The following PSD3 variants were observed in gnomAD, a reference collection of about 807,000 sequenced individuals.
PSD3 encodes the protein pleckstrin and Sec7 domain containing 3.
In PSD3, 49 loss-of-function variants were observed where a neutral mutation model predicts 105.5. The observed-to-expected ratio is 0.46, with a 90% confidence interval of 0.37 to 0.59. The LOEUF (loss-of-function observed/expected upper bound fraction) is 0.59. Ranked by LOEUF, PSD3 falls within the 20% of genes least tolerant of loss-of-function variation. PSD3 has a pLI of 0.00. For missense variants in PSD3, 1,561 were observed against 1,263.8 expected, an observed-to-expected ratio of 1.24 and a Z score of -3.57; for synonymous variants, 557 against 457.8, an observed-to-expected ratio of 1.22 and a Z score of -2.77.
At chr8:18,581,055 G>C (rs975566642) in intron 12 of PSD3, among the ~76,000 whole-genome samples, 1 of 152,188 alleles carries the variant, frequency 6.6e-6, no homozygotes, top group African/African-American at 2.4e-5. Context: ...GACAGAAACT[G>C]AGAGAGAAAC....
chr8:18,892,998 C>T (rs1249853107), intron 2 of PSD3, among the ~76,000 whole-genome samples: 1 of 152,096 alleles, frequency 6.6e-6, no homozygotes, highest in Non-Finnish European at 1.5e-5. Context: ...GCAACTGATG[C>T]AAATGAAATA....
In PSD3 at chr8:18,619,669, G is replaced by A. The variant is rs116578651; in HGVS notation, c.2410+12944C>T. On this transcript the variant is annotated intron_variant, in intron 11 of 15. Coordinates refer to ENST00000327040, the MANE Select transcript of PSD3 (RefSeq NM_015310.4). ...AAAAAAAAAAAAAAGACCTAAGGCCGTGTGGCCATGTGAGGCAAAGGTGAA... is the reference window on the plus strand; with the variant it reads ...AAAAAAAAAAAAAAGACCTAAGGCCATGTGGCCATGTGAGGCAAAGGTGAA... Among the ~76,000 whole-genome samples, 1,091 of 151,428 alleles carry A rather than the reference G, an allele frequency of 7.2e-3. 16 individuals carry two copies. Among genetic ancestry groups the A allele is most frequent in the African/African-American group, 0.025 (1,046 of 41,312 alleles).
chr8:18,787,000 G>A (rs1028490491), intron 8 of PSD3, among the ~76,000 whole-genome samples: 9 of 152,140 alleles, frequency 5.9e-5, no homozygotes, highest in Admixed American at 1.3e-4. Flanking sequence ...TACTCCTCAC[G>A]ATGTCTGGAT....
intron 11 of PSD3, among the ~76,000 whole-genome samples, chr8:18,602,462 C>G (rs1804505323): frequency 6.6e-6 from 1 of 151,958 alleles, no homozygotes; most frequent in Non-Finnish European, 1.5e-5. Flanking sequence ...AAAACTTAAC[C>G]TTATCTTTGG....
chr8:18,922,867 G>C (rs1821120885), intron 2 of PSD3, among the ~76,000 whole-genome samples: 1 of 152,172 alleles, frequency 6.6e-6, no homozygotes, highest in Non-Finnish European at 1.5e-5. Context: ...AGGCATGTGG[G>C]AGGGGGCAGA....
At chr8:18,568,447 A>AG (rs1296475311) in intron 14 of PSD3, among the ~76,000 whole-genome samples, 1 of 151,938 alleles carries the variant, frequency 6.6e-6, no homozygotes, top group Admixed American at 6.6e-5. Context: ...CTAAGAAGCA[A>AG]GGGGGGAAAT....
chr8:18,806,087 A>T (rs1241914944), intron 4 of PSD3, among the ~76,000 whole-genome samples: 1 of 152,152 alleles, frequency 6.6e-6, no homozygotes, highest in Non-Finnish European at 1.5e-5. Context: ...AAAAGACATG[A>T]TCTCAAGCGC....
chr8:19,062,429 T>G (rs1418568762), intron 1 of PSD3, among the ~76,000 whole-genome samples: 1 of 152,150 alleles, frequency 6.6e-6, no homozygotes, highest in Admixed American at 6.6e-5. Flanking sequence ...AAACTGAAAC[T>G]CAGAAGAGTA....
intron 1 of PSD3, among the ~76,000 whole-genome samples, chr8:18,957,833 C>T (rs1304296156): frequency 2.0e-5 from 3 of 152,170 alleles, no homozygotes; most frequent in East Asian, 1.9e-4. Context: ...AAGTGTGGTG[C>T]AGCTAGCATG....
intron 8 of PSD3, among the ~76,000 whole-genome samples, chr8:18,785,764 T>C (rs79672852): frequency 0.033 from 4,991 of 152,226 alleles, 274 homozygotes; most frequent in African/African-American, 0.11. Context: ...CTTGAACACT[T>C]AGAGGCCATT....
At chr8:18,649,837 TC>T (rs1337653800) in intron 10 of PSD3, among the ~76,000 whole-genome samples, 1 of 152,158 alleles carries the variant, frequency 6.6e-6, no homozygotes, top group East Asian at 1.9e-4. Flanking sequence ...GTGTGGCACT[TC>T]CACCCCACCC....
chr8:18,610,895 C>G (rs1156817044), intron 11 of PSD3, among the ~76,000 whole-genome samples: 1 of 152,140 alleles, frequency 6.6e-6, no homozygotes, highest in African/African-American at 2.4e-5. Context: ...CCCACTATTT[C>G]TCCGCTTTTG....
intron 14 of PSD3, among the ~76,000 whole-genome samples, chr8:18,565,582 T>A (rs34429188): frequency 0.38 from 57,093 of 151,766 alleles, 10,690 homozygotes; most frequent in East Asian, 0.51. Flanking sequence ...CAAACAATCT[T>A]TTAATTGAAC....
intron 4 of PSD3, chr8:18,849,349 T>G (rs986322066): frequency 1.3e-5 from 2 of 152,190 alleles, no homozygotes; most frequent in African/African-American, 4.8e-5. Context: ...ACCCTCTAGA[T>G]TATTACAGTA....
chr8:18,559,293 G>A (rs1330798185), intron 14 of PSD3, among the ~76,000 whole-genome samples: 1 of 152,116 alleles, frequency 6.6e-6, no homozygotes, highest in Admixed American at 6.5e-5. Context: ...TATTATACTT[G>A]TAAATTGTTG....
intron 8 of PSD3, among the ~76,000 whole-genome samples, chr8:18,767,868 G>C (rs1807153842): frequency 6.6e-6 from 1 of 152,014 alleles, no homozygotes; most frequent in Admixed American, 6.6e-5. Context: ...TTTCGTAAAA[G>C]GCTAACAGAA....
At position 18,581,376 on chromosome 8, in the gene PSD3, C is replaced by T. The variant is rs182001713; in HGVS notation, c.2482-6091G>A. 9.9e-5 allele frequency among the ~76,000 whole-genome samples: 15 copies of T among 152,128 alleles called. No homozygotes were observed. The East Asian group carries it at 2.9e-3, about 29-fold the overall frequency. On this transcript the variant is annotated intron_variant, in intron 12 of 15. Transcript: ENST00000327040. ...CACACATTTTTTAGGTACTCTTGGG[C>T]TCAGGGGCACTGCAAGTACTAGAAA...
At chr8:18,580,872 T>C (rs1802770297) in intron 12 of PSD3, among the ~76,000 whole-genome samples, 1 of 152,186 alleles carries the variant, frequency 6.6e-6, no homozygotes, top group Non-Finnish European at 1.5e-5. Flanking sequence ...AGTAATTCAC[T>C]GCCATGCACT....
At chr8:18,889,083 T>G (rs933561348) in intron 2 of PSD3, among the ~76,000 whole-genome samples, 1 of 152,122 alleles carries the variant, frequency 6.6e-6, no homozygotes, top group East Asian at 1.9e-4. Flanking sequence ...GCATATCGCA[T>G]TAGGCTTTAG....
Sources: allele counts gnomAD v4.1 joint callset (sites outside exome capture counted in the v4.1 genomes callset), GRCh38; gene constraint gnomAD v4.1.1; transcripts MANE v1.5; gene names NCBI Gene and HGNC (gene_info 2026-07-23, HGNC 2026-07-21).